MFAP3L: variants seen among roughly 807,000 people sequenced by gnomAD.
The protein encoded by MFAP3L is microfibrillar-associated protein 3-like.
Under a neutral mutation model 20.0 loss-of-function variants are expected in MFAP3L, and 5 were observed. The ratio of observed to expected loss-of-function variants is 0.25; its 90% CI spans 0.13 to 0.53. The LOEUF is 0.53. Among genes scored for constraint, MFAP3L ranks in the 20% least tolerant of loss-of-function variants. The probability of loss-of-function intolerance (pLI) is 0.96; values close to 1 mark genes in which losing one functional copy is unlikely to be tolerated. For missense variants in MFAP3L, 409 were observed against 527.5 expected (o/e 0.78, Z 2.20); for synonymous variants, 219 against 213.0 (o/e 1.03, Z -0.25).
chr4:170,024,064 T>C (rs1740199973), intron 1 of MFAP3L, among the ~76,000 whole-genome samples: 1 of 152,198 alleles, frequency 6.6e-6, no homozygotes, highest in Admixed American at 6.5e-5. Flanking sequence ...ACCCAATAGT[T>C]AACTACAAAA....
intron 2 of MFAP3L, chr4:170,003,769 C>G (rs931451901): frequency 9.1e-5 from 90 of 985,344 alleles, no homozygotes; most frequent in Non-Finnish European, 9.9e-5. Flanking sequence ...CTCAGCCCTG[C>G]AGAAAGACCT....
In MFAP3L at chr4:169,991,423, C is replaced by A; in HGVS notation, c.1185G>T (p.Val395=). Residue 395 remains valine (V), a synonymous_variant, in exon 3 of 3, where the codon GTG becomes GTT. Transcript: ENST00000361618. This position sits in a 1 kb window ranked among gnomAD's most constrained non-coding sequence, Gnocchi z 4.9. ...TAATGCAGGTGTTTTTGTCATGTGT[C>A]ACTGCTGGCTCTGTGGCTTCCAGGT... The part of the protein sequence containing the change: ...PAYLEATEPA[V]THDKNTCIIY... 6.2e-7 allele frequency: 1 copy of A among 1,614,060 alleles called. No homozygotes were observed. Among genetic ancestry groups the A allele is most frequent in the Non-Finnish European group, 8.5e-7 (1 of 1,179,986 alleles).
upstream of MFAP3L, chr4:170,026,566 CGGA>C (rs1730447987): frequency 6.6e-6 from 1 of 151,220 alleles, no homozygotes; most frequent in South Asian, 1.9e-4. Context: ...GTCGGTGCTG[CGGA>C]GCGGCCCCGC....
At chr4:170,005,351 T>A in intron 2 of MFAP3L, 1 of 574,038 alleles carries the variant, frequency 1.7e-6, no homozygotes, top group East Asian at 2.8e-5. Flanking sequence ...CCAAGAAGCC[T>A]TTAAAAAGAC....
chr4:169,999,643 A>T (rs1387956473), intron 2 of MFAP3L, among the ~76,000 whole-genome samples: 1 of 152,206 alleles, frequency 6.6e-6, no homozygotes, highest in Non-Finnish European at 1.5e-5. Flanking sequence ...TGGATCTGGA[A>T]GGGTCTTTTC....
chr4:169,988,090 G>A lies in MFAP3L; in HGVS notation c.*3288C>T, dbSNP rs141166373. 4.7e-4 allele frequency: 71 copies of A among 152,268 alleles called. No homozygotes were observed. The highest frequency in any genetic ancestry group is 1.6e-3 in the African/African-American group (68 of 41,554). 9.4% of individuals were successfully genotyped at this position (152,268 alleles called of 1,614,324 possible). ...CAGCACAATAATGCTTGGGATGGAT[G>A]AGACATTCAGAGATTTTTAGAGCGA... On this transcript the variant is annotated 3_prime_UTR_variant, in exon 3 of 3. Coordinates refer to ENST00000361618, the MANE Select transcript of MFAP3L (RefSeq NM_021647.8).
intron 2 of MFAP3L, among the ~76,000 whole-genome samples, chr4:169,999,343 C>A (rs1011510766): frequency 1.2e-4 from 18 of 152,216 alleles, no homozygotes; most frequent in Admixed American, 5.2e-4. Context: ...TGTTCAGAAT[C>A]TGTAGTTCTG....
At chr4:170,026,404 C>G (rs1242742820), upstream of MFAP3L, 1 of 528,216 alleles carries the variant, frequency 1.9e-6, no homozygotes, top group African/African-American at 2.1e-5. Context: ...CTGCCGGGAG[C>G]GCGGAGCTTC....
chr4:169,987,415 C>G lies in MFAP3L; in HGVS notation c.*3963G>C, dbSNP rs72972936. 134 of 152,214 alleles carry G rather than the reference C, an allele frequency of 8.8e-4. No homozygotes were observed. The highest frequency in any genetic ancestry group is 3.1e-3 in the African/African-American group (127 of 41,546). 9.4% of individuals were successfully genotyped at this position (152,214 alleles called of 1,614,324 possible). On this transcript the variant is annotated 3_prime_UTR_variant, in exon 3 of 3. Coordinates refer to ENST00000361618, the MANE Select transcript of MFAP3L (RefSeq NM_021647.8). ...CGTGAAGAGCGGTAAAGGAAAGTAT[C>G]TGAACAATGCTGAGAAAACAGAGTA...
At chr4:169,995,719 C>T (rs1409113931) in intron 2 of MFAP3L, among the ~76,000 whole-genome samples, 1 of 152,206 alleles carries the variant, frequency 6.6e-6, no homozygotes, top group Non-Finnish European at 1.5e-5. Flanking sequence ...CGGGGCTTTA[C>T]ACGCGAAGTG....
At chr4:170,002,076 A>AT in intron 2 of MFAP3L, 1 of 985,316 alleles carries the variant, frequency 1.0e-6, no homozygotes, top group Non-Finnish European at 1.2e-6. Context: ...CTTTTTGTGC[A>AT]TGTGCATGCC....
chr4:170,002,512 C>CT (rs576564306), intron 2 of MFAP3L, among the ~76,000 whole-genome samples: 4 of 151,708 alleles, frequency 2.6e-5, no homozygotes, highest in Admixed American at 6.6e-5. Flanking sequence ...TATCATTTTT[C>CT]TTTTTTTTGT....
At chr4:170,012,768 T>C (rs4519759) in intron 1 of MFAP3L, among the ~76,000 whole-genome samples, 67,695 of 151,930 alleles carry the variant, frequency 0.45, 15,319 homozygotes, top group East Asian at 0.71. Context: ...TACGCACTTA[T>C]TAATTGTGTA....
intron 2 of MFAP3L, 187 bp downstream of exon 2, chr4:170,005,393 T>A: frequency 1.4e-6 from 1 of 696,430 alleles, no homozygotes; most frequent in Non-Finnish European, 2.3e-6. Context: ...TCTGTGTCAA[T>A]GAGGGAAAAA....
intron 2 of MFAP3L, chr4:169,994,180 T>C (rs1737958308): frequency 1.0e-6 from 1 of 985,218 alleles, no homozygotes. Context: ...GCTATGCTTG[T>C]AGTTTCTCAT....
chr4:170,022,852 G>A (rs1740121451), intron 1 of MFAP3L, among the ~76,000 whole-genome samples: 1 of 152,154 alleles, frequency 6.6e-6, no homozygotes, highest in Non-Finnish European at 1.5e-5. Context: ...AAAGGAACAA[G>A]GCCCTGCAGA....
At chr4:170,006,115 C>CT (rs11383582) in intron 1 of MFAP3L, 105 bp from the exon 2 acceptor site, 65,708 of 602,198 alleles carry the variant, frequency 0.11, 4,036 homozygotes, top group African/African-American at 0.39. Flanking sequence ...CATCAACATA[C>CT]TTTTTTTTTT....
Position 169,992,052 on chromosome 4 carries a change from T to C in MFAP3L, c.556A>G (p.Ile186Val). Reference protein sequence around the residue: ...SSHLKKTEKAINEFFRTEGAE... With the variant: ...SSHLKKTEKAVNEFFRTEGAE... ...CCTTCGGTCCTAAAGAACTCATTGA[T>C]GGCCTTCTCAGTCTTCTTTAGATGG... Residue 186 changes from isoleucine (I) to valine (V), a missense_variant, in exon 3 of 3, where the codon ATC becomes GTC. Transcript: ENST00000361618. The surrounding 1 kb of genome is among the most constrained non-coding windows in gnomAD (Gnocchi z 4.3). The C allele has an allele frequency of 1.9e-6, 3 of 1,614,194 alleles. No individual in the cohort carries two copies. Among genetic ancestry groups the C allele is most frequent in the Non-Finnish European group, 2.5e-6 (3 of 1,180,038 alleles).
chr4:170,020,143 T>C (rs1368729686), intron 1 of MFAP3L, among the ~76,000 whole-genome samples: 2 of 152,188 alleles, frequency 1.3e-5, no homozygotes, highest in Non-Finnish European at 2.9e-5. Flanking sequence ...TTAGTCTCTC[T>C]GGTGCTGCAA....
Sources: gnomAD v4.1 joint callset for allele counts (sites outside exome capture counted in the v4.1 genomes callset) on GRCh38, gnomAD v4.1.1 for gene constraint, Gnocchi (gnomAD v3.1) non-coding constraint, MANE v1.5 for transcripts, NCBI Gene and HGNC (gene_info 2026-07-23, HGNC 2026-07-21) for gene names.